Variants in SLF1 observed in about 807,000 individuals in gnomAD.
SLF1 encodes the protein SMC5-SMC6 complex localization factor protein 1.
SLF1 carries 105 observed loss-of-function variants against 123.0 expected under a neutral mutation model. The ratio of observed to expected loss-of-function variants is 0.85; its 90% CI spans 0.73 to 1.00. The LOEUF is 1.00. SLF1 is among the 50% of genes least tolerant of loss of function. The pLI is 0.00. For missense variants in SLF1, 1,239 were observed against 1,223.0 expected (o/e 1.01, Z -0.20); for synonymous variants, 434 against 406.6 (o/e 1.07, Z -0.81).
At chr5:94,688,431 T>G (rs1470668533) in intron 16 of SLF1, 75 bp from the exon 17 acceptor site, 1 of 1,447,322 alleles carries the variant, frequency 6.9e-7, no homozygotes, top group African/African-American at 1.4e-5. Flanking sequence ...AATGTAATAG[T>G]GAAATGAATC....
At chr5:94,668,698 T>C (rs1750101003) in intron 12 of SLF1, among the ~76,000 whole-genome samples, 1 of 152,160 alleles carries the variant, frequency 6.6e-6, no homozygotes, top group Non-Finnish European at 1.5e-5. Context: ...CAGGCTGGTC[T>C]CAAATTCCTG....
chr5:94,643,239 C>T, intron 4 of SLF1, 34 bp from the exon 5 acceptor site: 1 of 1,431,046 alleles, frequency 7.0e-7, no homozygotes, highest in Non-Finnish European at 9.3e-7. Context: ...CTCAAATTTT[C>T]TAATACTTTT....
chr5:94,667,801 T>C (rs564301368), intron 12 of SLF1, among the ~76,000 whole-genome samples: 96 of 152,304 alleles, frequency 6.3e-4, no homozygotes, highest in Non-Finnish European at 1.0e-3. Flanking sequence ...CAGACTGGAG[T>C]GCAATGGCAC....
intron 20 of SLF1, among the ~76,000 whole-genome samples, chr5:94,693,798 T>C (rs1311201540): frequency 6.6e-6 from 1 of 151,722 alleles, no homozygotes; most frequent in Non-Finnish European, 1.5e-5. Flanking sequence ...ACAATTTTTT[T>C]GAGATGTTGG....
chr5:94,667,486 A>G lies in SLF1; in HGVS notation c.1532+1462A>G, dbSNP rs538803566. On this transcript the variant is annotated intron_variant, in intron 12 of 20. Transcript: ENST00000265140. ...TTTTTTCCTTTTAATTTTTCTTCCA[A>G]AGTACCCCCCCACAGTATGCTCTTT... is the stretch of plus-strand genomic sequence containing the variant. 6.6e-5 allele frequency among the ~76,000 whole-genome samples: 10 copies of G among 152,216 alleles called. No individual in the cohort carries two copies. The East Asian group carries it at 1.9e-3, about 29-fold the overall frequency.
intron 4 of SLF1, among the ~76,000 whole-genome samples, chr5:94,638,588 A>G (rs748543929): frequency 1.6e-4 from 25 of 152,302 alleles, no homozygotes; most frequent in Non-Finnish European, 2.6e-4. Context: ...TCAGAATTCT[A>G]TAAAAGCTCA....
chr5:94,637,595 A>G (rs1328770557), intron 4 of SLF1, among the ~76,000 whole-genome samples: 1 of 151,566 alleles, frequency 6.6e-6, no homozygotes, highest in African/African-American at 2.4e-5. Context: ...TACAAATTAC[A>G]ACTGGGGTTT....
chr5:94,685,543 A>AGATCACATGG (rs1354912965), intron 15 of SLF1, among the ~76,000 whole-genome samples: 1 of 152,224 alleles, frequency 6.6e-6, no homozygotes, highest in African/African-American at 2.4e-5. Flanking sequence ...AATATTAAAT[A>AGATCACATGG]GATCACATGG....
chr5:94,671,558 T>TA (rs1750453626), intron 14 of SLF1, among the ~76,000 whole-genome samples: 1 of 151,796 alleles, frequency 6.6e-6, no homozygotes, highest in African/African-American at 2.4e-5. Context: ...TAATAAATAT[T>TA]AGTCACCTTT....
intron 14 of SLF1, among the ~76,000 whole-genome samples, chr5:94,673,034 C>G (rs187549405): frequency 6.6e-6 from 1 of 152,208 alleles, no homozygotes; most frequent in African/African-American, 2.4e-5. Context: ...CTGGGTAGTT[C>G]AAATGAAGTA....
chr5:94,694,362 T>C (rs920656940), intron 20 of SLF1, among the ~76,000 whole-genome samples: 25 of 152,024 alleles, frequency 1.6e-4, no homozygotes, highest in African/African-American at 6.0e-4. Context: ...AAAACTGTTC[T>C]CTATCTGTGC....
Position 94,689,730 on chromosome 5 carries a change from T to C in SLF1, c.2419+124T>C, listed in dbSNP as rs1585241997. 2.9e-5 allele frequency: 23 copies of C among 787,678 alleles called. No individual in the cohort carries two copies. The South Asian group carries it at 5.1e-4, about 17-fold the overall frequency. 48.8% of individuals were successfully genotyped at this position (787,678 alleles called of 1,614,324 possible). Reference sequence around the variant, plus strand: ...TAAATATTGGACTAGGTCCAGGAAGTACCTTCTTGGATAACGTATTATTTT... The same window carrying C: ...TAAATATTGGACTAGGTCCAGGAAGCACCTTCTTGGATAACGTATTATTTT... On this transcript the variant is annotated intron_variant, in intron 18 of 20. Coordinates refer to ENST00000265140, the MANE Select transcript of SLF1 (RefSeq NM_032290.4).
chr5:94,679,148 A>T (rs902696416), intron 15 of SLF1, among the ~76,000 whole-genome samples, 193 bp downstream of exon 15: 1 of 152,188 alleles, frequency 6.6e-6, no homozygotes, highest in African/African-American at 2.4e-5. Context: ...TATTGTTCCT[A>T]CACAGATAAC....
chr5:94,642,633 G>A (rs1746572384), intron 4 of SLF1, among the ~76,000 whole-genome samples: 1 of 152,092 alleles, frequency 6.6e-6, no homozygotes, highest in Admixed American at 6.6e-5. Flanking sequence ...ACTGTTAGGT[G>A]GTAGCCTCTC....
chr5:94,654,624 A>C lies in SLF1; in HGVS notation c.1033-6A>C. On this transcript the variant is annotated splice_polypyrimidine_tract_variant and splice_region_variant and intron_variant, in intron 8 of 20. Transcript: ENST00000265140. ...TTCTAAAGTCATTTTACTTTGCTAT[A>C]TGCAGAAAGAAATGAAGAATTCTAT... 3 of 1,532,358 alleles carry C rather than the reference A, an allele frequency of 2.0e-6. No homozygotes were observed. Among genetic ancestry groups the C allele is most frequent in the Non-Finnish European group, 2.6e-6 (3 of 1,137,644 alleles). The allele number at this position is 1,532,358 out of a possible 1,614,324, so 94.9% of individuals were successfully genotyped here. A position where few individuals can be genotyped will look rare whatever the true frequency, so the allele number is the denominator to read the frequency against.
Position 94,629,208 on chromosome 5 carries a change from C to T in SLF1, c.190+41C>T, listed in dbSNP as rs755430052. The T allele has an allele frequency of 8.2e-5, 118 of 1,432,572 alleles. 1 individual carries two copies. In the South Asian group the frequency reaches 1.4e-3, roughly 17 times the overall value. The allele number at this position is 1,432,572 out of a possible 1,614,324, so 88.7% of individuals were successfully genotyped here. A position where few individuals can be genotyped will look rare whatever the true frequency, so the allele number is the denominator to read the frequency against. ...TCCCCCAACTTTTAAAAACAATCTT[C>T]GTGTTAAAGCAAAAGTATTTTAGTC... is the stretch of plus-strand genomic sequence containing the variant. On this transcript the variant is annotated intron_variant, in intron 3 of 20. Coordinates refer to ENST00000265140, the MANE Select transcript of SLF1 (RefSeq NM_032290.4).
chr5:94,679,254 T>C (rs1751470647), intron 15 of SLF1, among the ~76,000 whole-genome samples: 1 of 152,210 alleles, frequency 6.6e-6, no homozygotes, highest in Non-Finnish European at 1.5e-5. Flanking sequence ...TATTTTCCTC[T>C]AAACATTACA....
intron 14 of SLF1, among the ~76,000 whole-genome samples, chr5:94,675,596 T>C (rs2152492035): frequency 6.6e-6 from 1 of 152,284 alleles, no homozygotes; most frequent in South Asian, 2.1e-4. Flanking sequence ...TAGTTAAGAT[T>C]ATGGTATAAA....
At position 94,653,402 on chromosome 5, in the gene SLF1, A is replaced by C. The variant is rs1009573549; in HGVS notation, c.1013A>C (p.His338Pro). Residue 338 changes from histidine to proline, a missense_variant, in exon 8 of 21, where the codon CAC becomes CCC. Physicochemically the swap from His to Pro is moderately conservative, Grantham distance 77 (BLOSUM62 -2). Transcript: ENST00000265140. ...AAAATAAAAAGTACCTTAAGAAGGCACATATATAATAGAGATCAGGTAAAG... is the reference window on the plus strand; with the variant it reads ...AAAATAAAAAGTACCTTAAGAAGGCCCATATATAATAGAGATCAGGTAAAG... ...HEKIKSTLRRHIYNRDQKEMK... is the reference protein window; with the variant it reads ...HEKIKSTLRRPIYNRDQKEMK... 4.6e-6 allele frequency: 7 copies of C among 1,520,700 alleles called. No individual in the cohort carries two copies. The African/African-American group carries it at 8.5e-5, about 19-fold the overall frequency. The allele number at this position is 1,520,700 out of a possible 1,614,324, so 94.2% of individuals were successfully genotyped here.
Sources: allele counts gnomAD v4.1 joint callset (sites outside exome capture counted in the v4.1 genomes callset), GRCh38; gene constraint gnomAD v4.1.1; transcripts MANE v1.5; gene names NCBI Gene and HGNC (gene_info 2026-07-23, HGNC 2026-07-21).